NAPG: variants seen among roughly 807,000 people sequenced by gnomAD.
NAPG encodes NSF attachment protein gamma, also known as gamma-soluble NSF attachment protein.
NAPG carries 25 observed loss-of-function variants against 48.4 expected under a neutral mutation model. The ratio of observed to expected loss-of-function variants is 0.52; its 90% CI spans 0.38 to 0.72. The LOEUF is 0.72. NAPG is among the 30% of genes least tolerant of loss of function. NAPG has a pLI of 0.00. For missense variants in NAPG, 359 were observed against 372.5 expected (o/e 0.96, Z 0.30); for synonymous variants, 139 against 127.2 (o/e 1.09, Z -0.62).
intron 5 of NAPG, among the ~76,000 whole-genome samples, chr18:10,536,115 A>G (rs962874538): frequency 6.6e-6 from 1 of 152,208 alleles, no homozygotes; most frequent in Non-Finnish European, 1.5e-5. Flanking sequence ...TAAGACTTGA[A>G]TCTTCATCAA....
chr18:10,538,987 A>G (rs1453316732), intron 5 of NAPG: 1 of 152,230 alleles, frequency 6.6e-6, no homozygotes. Flanking sequence ...GATGATTAAG[A>G]AGTCAGGAAA....
At chr18:10,535,819 A>C (rs950924649) in intron 5 of NAPG, among the ~76,000 whole-genome samples, 1 of 152,230 alleles carries the variant, frequency 6.6e-6, no homozygotes, top group Non-Finnish European at 1.5e-5. Flanking sequence ...CTTATTATAA[A>C]CTATTATATA....
intron 11 of NAPG, among the ~76,000 whole-genome samples, 159 bp from the exon 12 acceptor site, chr18:10,549,918 G>C (rs1224008067): frequency 1.3e-5 from 2 of 152,110 alleles, no homozygotes; most frequent in Non-Finnish European, 2.9e-5. Flanking sequence ...TGGTCATGAG[G>C]CATCTGGGGA....
intron 8 of NAPG, among the ~76,000 whole-genome samples, chr18:10,541,661 T>A (rs570066258): frequency 6.6e-6 from 1 of 152,172 alleles, no homozygotes; most frequent in Non-Finnish European, 1.5e-5. Context: ...CTTTCTCTTC[T>A]GTTCTCATCT....
At chr18:10,537,585 G>T (rs1051984384) in intron 5 of NAPG, among the ~76,000 whole-genome samples, 3 of 152,084 alleles carry the variant, frequency 2.0e-5, no homozygotes, top group African/African-American at 7.2e-5. Flanking sequence ...AATCTCTGCT[G>T]TTCAAGGTTC....
In NAPG at chr18:10,548,389, G is replaced by A. The variant is rs926033361; in HGVS notation, c.665+11G>A. The stretch of plus-strand genomic sequence containing the variant: ...CCGGGAGAGCTATAGGTAAGACGTT[G>A]TCTGGGCCCTCTTGACTTGCAGTGG... On this transcript the variant is annotated intron_variant, in intron 10 of 11. Transcript: ENST00000322897. This position sits in a 1 kb window ranked among gnomAD's most constrained non-coding sequence, Gnocchi z 4.4. The A allele has an allele frequency of 3.1e-6, 5 of 1,608,688 alleles. No homozygotes were observed. The African/African-American group carries it at 6.7e-5, about 22-fold the overall frequency.
In NAPG at chr18:10,539,883, A is replaced by G; in HGVS notation, c.368+12A>G. ...GAGCGAGCTGGAAAGTGAGTGTGAG[A>G]TGGACAAGTCTCTGCATAGAAGTCT... On this transcript the variant is annotated intron_variant, in intron 6 of 11. Coordinates refer to ENST00000322897, the MANE Select transcript of NAPG (RefSeq NM_003826.3). The surrounding 1 kb of genome is among the most constrained non-coding windows in gnomAD (Gnocchi z 4.7). 4 of 1,613,478 alleles carry G rather than the reference A, an allele frequency of 2.5e-6. No homozygotes were observed. The highest frequency in any genetic ancestry group is 3.4e-6 in the Non-Finnish European group (4 of 1,179,492).
Position 10,543,583 on chromosome 18 carries a change from G to A in NAPG, c.507-2743G>A, listed in dbSNP as rs1175691258. Reference sequence around the variant, plus strand: ...GGAAATAGTTGGGGCCAGAGGAACAGTTTGAGTTGTGGTGTAGAAGGTGTC... The same window carrying A: ...GGAAATAGTTGGGGCCAGAGGAACAATTTGAGTTGTGGTGTAGAAGGTGTC... On this transcript the variant is annotated intron_variant, in intron 8 of 11. Coordinates refer to ENST00000322897, the MANE Select transcript of NAPG (RefSeq NM_003826.3). The surrounding 1 kb of genome is among the most constrained non-coding windows in gnomAD (Gnocchi z 4.4). 6.6e-6 allele frequency among the ~76,000 whole-genome samples: 1 copy of A among 152,244 alleles called. No homozygotes were observed. Among genetic ancestry groups the A allele is most frequent in the Non-Finnish European group, 1.5e-5 (1 of 68,038 alleles).
In NAPG at chr18:10,550,111, GA is replaced by G; in HGVS notation, c.831del (p.Gly279GlufsTer50). 1 of 1,574,802 alleles carries G rather than the reference GA, an allele frequency of 6.3e-7. No individual in the cohort carries two copies. The highest frequency in any genetic ancestry group is 8.6e-7 in the Non-Finnish European group (1 of 1,164,244). ...AKLGLSLVVP[G>X]GGIKKKSPAT... ...CTGGGCCTGAGTTTGGTGGTTCCAG[GA>G]GGGGGAATCAAGAAGAAATCACCTG... On this transcript the variant is annotated frameshift_variant, in exon 12 of 12. Transcript: ENST00000322897. LOFTEE classifies it low-confidence loss of function (END_TRUNC).
At chr18:10,530,667 C>CTTTTT in intron 1 of NAPG, 103 bp from the exon 2 acceptor site, 1 of 480,568 alleles carries the variant, frequency 2.1e-6, no homozygotes, top group Non-Finnish European at 3.2e-6. Context: ...ATGGTTTCTC[C>CTTTTT]TTTTTTTTTT....
chr18:10,538,472 T>C (rs1223006311), intron 5 of NAPG, among the ~76,000 whole-genome samples: 2 of 152,284 alleles, frequency 1.3e-5, no homozygotes, highest in Admixed American at 6.5e-5. Context: ...CAAAACACAC[T>C]TGGAAGTGAG....
chr18:10,544,071 A>G lies in NAPG; in HGVS notation c.507-2255A>G, dbSNP rs1377783497. On this transcript the variant is annotated intron_variant, in intron 8 of 11. Coordinates refer to ENST00000322897, the MANE Select transcript of NAPG (RefSeq NM_003826.3). This position sits in a 1 kb window ranked among gnomAD's most constrained non-coding sequence, Gnocchi z 5.1. The stretch of plus-strand genomic sequence containing the variant: ...ATACTGAGATTGCTAATAGAATGAT[A>G]TAATCTAGACACGACGGGCACAGAA... 1.3e-5 allele frequency among the ~76,000 whole-genome samples: 2 copies of G among 152,270 alleles called. No individual in the cohort carries two copies. The highest frequency in any genetic ancestry group is 2.9e-5 in the Non-Finnish European group (2 of 68,038).
chr18:10,548,873 C>T lies in NAPG; in HGVS notation c.666-94C>T. 1 of 1,466,030 alleles carries T rather than the reference C, an allele frequency of 6.8e-7. No homozygotes were observed. The allele number at this position is 1,466,030 out of a possible 1,614,324, so 90.8% of individuals were successfully genotyped here. ...ACACTTTTAAGTACCAAAATGTCTC[C>T]AGACAGTGTCACATGCCAGGGGCAG... On this transcript the variant is annotated intron_variant, in intron 10 of 11. Transcript: ENST00000322897. The surrounding 1 kb of genome is among the most constrained non-coding windows in gnomAD (Gnocchi z 4.4).
rs944997872 is a variant in NAPG, at chr18:10,548,815, G to T, written c.666-152G>T. 6.6e-6 allele frequency among the ~76,000 whole-genome samples: 1 copy of T among 151,970 alleles called. No homozygotes were observed. Among genetic ancestry groups the T allele is most frequent in the East Asian group, 1.9e-4 (1 of 5,180 alleles). On this transcript the variant is annotated intron_variant, in intron 10 of 11. Transcript: ENST00000322897. The surrounding 1 kb of genome is among the most constrained non-coding windows in gnomAD (Gnocchi z 4.4). Reference sequence around the variant, plus strand: ...CTGTAGGCTGGTTAGCGGGATCCCCGGTCTCTGCCCTCTAGATGCCACTAG... The same window carrying T: ...CTGTAGGCTGGTTAGCGGGATCCCCTGTCTCTGCCCTCTAGATGCCACTAG...
intron 8 of NAPG, among the ~76,000 whole-genome samples, chr18:10,545,702 C>A (rs1022906257): frequency 6.6e-6 from 1 of 152,202 alleles, no homozygotes; most frequent in Non-Finnish European, 1.5e-5. Context: ...GTTTTGGTGA[C>A]CCCTTTCCTT....
intron 1 of NAPG, among the ~76,000 whole-genome samples, chr18:10,528,165 G>A (rs2031858991): frequency 6.6e-6 from 1 of 152,078 alleles, no homozygotes; most frequent in African/African-American, 2.4e-5. Context: ...CAGCCTGGGA[G>A]ACAGAGCAAG....
In NAPG at chr18:10,550,257, A is replaced by G. The variant is rs773143897; in HGVS notation, c.*37A>G. 1 of 1,558,366 alleles carries G rather than the reference A, an allele frequency of 6.4e-7. No individual in the cohort carries two copies. Among genetic ancestry groups the G allele is most frequent in the Non-Finnish European group, 8.6e-7 (1 of 1,156,772 alleles). Reference sequence around the variant, plus strand: ...CTGAAAAGAAAAGGGAAACAAAGGTAAAATCCTGACATGCCATTTCAAGGA... The same window carrying G: ...CTGAAAAGAAAAGGGAAACAAAGGTGAAATCCTGACATGCCATTTCAAGGA... On this transcript the variant is annotated 3_prime_UTR_variant, in exon 12 of 12. Coordinates refer to ENST00000322897, the MANE Select transcript of NAPG (RefSeq NM_003826.3).
intron 1 of NAPG, 84 bp downstream of exon 1, chr18:10,526,242 G>A: frequency 2.9e-6 from 2 of 694,530 alleles, no homozygotes; most frequent in Non-Finnish European, 5.1e-6. Context: ...GGGGGGGCGG[G>A]AGGGAGGGCT....
In NAPG at chr18:10,551,804, A is replaced by G. The variant is rs1448966137; in HGVS notation, c.*1584A>G. 11 of 152,222 alleles carry G rather than the reference A, an allele frequency of 7.2e-5. No homozygotes were observed. The highest frequency in any genetic ancestry group is 7.2e-4 in the Admixed American group (11 of 15,288). 9.4% of individuals were successfully genotyped at this position (152,222 alleles called of 1,614,324 possible). A position where few individuals can be genotyped will look rare whatever the true frequency, so the allele number is the denominator to read the frequency against. On this transcript the variant is annotated 3_prime_UTR_variant, in exon 12 of 12. Transcript: ENST00000322897. ...TGGTCTCGGGTGCGTGGATGTTGGT[A>G]TACAGTCTTTATTGTAAGTCTGATA... is the stretch of plus-strand genomic sequence containing the variant.
Sources: allele counts gnomAD v4.1 joint callset (sites outside exome capture counted in the v4.1 genomes callset), GRCh38; gene constraint gnomAD v4.1.1; non-coding constraint Gnocchi (gnomAD v3.1); transcripts MANE v1.5; gene names NCBI Gene and HGNC (gene_info 2026-07-23, HGNC 2026-07-21).